FBN1: variants seen among roughly 807,000 people sequenced by gnomAD.
FBN1 encodes fibrillin 1, also known as fibrillin-1.
A neutral mutation model predicts 365.1 loss-of-function variants in FBN1; 29 were observed. The observed-to-expected ratio is 0.08, with a 90% CI of 0.06 to 0.11. The LOEUF is 0.11. Ranked by LOEUF, FBN1 falls within the 10% of genes least tolerant of loss-of-function variation. The pLI is 1.00. For synonymous variants in FBN1, 1,210 were observed against 1,270.5 expected, an observed-to-expected ratio of 0.95 and a Z score of 1.01; for missense variants, 2,476 against 3,703.2, an observed-to-expected ratio of 0.67 and a Z score of 8.60.
chr15:48,424,636 A>G (rs1486816699), intron 60 of FBN1, among the ~76,000 whole-genome samples: 2 of 152,234 alleles, frequency 1.3e-5, no homozygotes, highest in Non-Finnish European at 2.9e-5. Context: ...GCATGACATG[A>G]TATCTCTTGC....
At chr15:48,552,292 A>G (rs1287610022) in intron 6 of FBN1, among the ~76,000 whole-genome samples, 1 of 133,390 alleles carries the variant, frequency 7.5e-6, no homozygotes, top group Non-Finnish European at 1.6e-5. Context: ...TTTTTTTTTG[A>G]GACAGAATCT....
At chr15:48,494,315 T>C (rs1405200090) in intron 22 of FBN1, 61 bp from the exon 23 acceptor site, 1 of 1,297,590 alleles carries the variant, frequency 7.7e-7, no homozygotes, top group Non-Finnish European at 1.1e-6. Context: ...ATCCAGACTT[T>C]GCAGTTCTGA....
intron 45 of FBN1, among the ~76,000 whole-genome samples, chr15:48,450,843 G>C (rs771623193): frequency 2.0e-5 from 3 of 151,564 alleles, no homozygotes; most frequent in Non-Finnish European, 4.4e-5. Context: ...GATGCACAAA[G>C]GAGTACTTTG....
intron 6 of FBN1, among the ~76,000 whole-genome samples, chr15:48,573,298 G>A (rs1191181862): frequency 6.6e-6 from 1 of 152,026 alleles, no homozygotes; most frequent in African/African-American, 2.4e-5. Context: ...ATTATACATT[G>A]GAACTTCATA....
At chr15:48,600,260 C>T (rs747572331) in intron 4 of FBN1, 26 bp from the exon 5 acceptor site, 29 of 1,567,738 alleles carry the variant, frequency 1.8e-5, no homozygotes, top group Non-Finnish European at 1.4e-5. Context: ...GAAGAATTCA[C>T]TTTTGCAACT....
At chr15:48,628,969 A>G (rs538741432) in intron 2 of FBN1, among the ~76,000 whole-genome samples, 2 of 152,242 alleles carry the variant, frequency 1.3e-5, no homozygotes, top group South Asian at 2.1e-4. Flanking sequence ...CACAACAAAT[A>G]CAGGGGACTG....
intron 7 of FBN1, among the ~76,000 whole-genome samples, chr15:48,535,088 A>C (rs766445157): frequency 2.0e-5 from 3 of 152,156 alleles, no homozygotes; most frequent in Non-Finnish European, 4.4e-5. Context: ...TGCCCGGAAT[A>C]GTCTTCCTCC....
intron 2 of FBN1, among the ~76,000 whole-genome samples, chr15:48,636,967 C>G (rs1331620188): frequency 6.6e-6 from 1 of 152,220 alleles, no homozygotes; most frequent in Non-Finnish European, 1.5e-5. Flanking sequence ...AGTAGAGGGC[C>G]TAGGCCTGAT....
At chr15:48,487,934 C>A (rs1267438807) in intron 27 of FBN1, among the ~76,000 whole-genome samples, 179 bp downstream of exon 27, 1 of 152,210 alleles carries the variant, frequency 6.6e-6, no homozygotes, top group South Asian at 2.1e-4. Flanking sequence ...CCATCACCCA[C>A]AAACCCACAG....
chr15:48,519,606 G>A (rs2043833856), intron 10 of FBN1, among the ~76,000 whole-genome samples: 1 of 152,140 alleles, frequency 6.6e-6, no homozygotes, highest in African/African-American at 2.4e-5. Flanking sequence ...GGTCATGTTT[G>A]AGCAGATCCT....
chr15:48,546,438 G>A (rs142951803), intron 6 of FBN1, among the ~76,000 whole-genome samples: 7 of 152,260 alleles, frequency 4.6e-5, no homozygotes, highest in East Asian at 1.9e-4. Flanking sequence ...ACATCTAAGC[G>A]CTTTCTAAGT....
intron 6 of FBN1, among the ~76,000 whole-genome samples, chr15:48,575,374 G>A (rs1286964296): frequency 6.6e-6 from 1 of 152,064 alleles, no homozygotes; most frequent in Non-Finnish European, 1.5e-5. Context: ...TATTTAGGGG[G>A]TACAAGCGCA....
chr15:48,411,184 G>T lies in FBN1; in HGVS notation c.8422C>A (p.Gln2808Lys), dbSNP rs1377343829. 2.5e-6 allele frequency: 4 copies of T among 1,614,024 alleles called. No individual in the cohort carries two copies. In the South Asian group the frequency reaches 4.4e-5, roughly 18 times the overall value. Residue 2808 changes from glutamine to lysine, a missense_variant, in exon 66 of 66, where the codon CAA (glutamine) becomes AAA (lysine). By Grantham distance (53) the Gln-to-Lys change is moderately conservative. Coordinates refer to ENST00000316623, the MANE Select transcript of FBN1 (RefSeq NM_000138.5). ...TGGAGGTAGCTGATCCCTTCCTTTT[G>T]GTTGATTTTAAAGAAGCCATCTTCA... ...GNEDGFFKIN[Q>K]KEGISYLHFT...
chr15:48,526,442 C>G (rs1447481699), intron 8 of FBN1, among the ~76,000 whole-genome samples, 187 bp from the exon 9 acceptor site: 1 of 152,112 alleles, frequency 6.6e-6, no homozygotes, highest in Non-Finnish European at 1.5e-5. Flanking sequence ...ACAGACTTAC[C>G]CAAAAGATTT....
chr15:48,616,691 T>G (rs1392140753), intron 2 of FBN1, among the ~76,000 whole-genome samples: 1 of 152,170 alleles, frequency 6.6e-6, no homozygotes, highest in Non-Finnish European at 1.5e-5. Context: ...CTTTCTCTTT[T>G]CACTTCATGA....
intron 2 of FBN1, among the ~76,000 whole-genome samples, chr15:48,628,225 G>GGGACTGGGT (rs751507425): frequency 1.6e-4 from 24 of 152,098 alleles, no homozygotes; most frequent in Non-Finnish European, 2.8e-4. Context: ...TTCCCCAAAG[G>GGGACTGGGT]GGACTGGGTG....
At chr15:48,584,957 A>T (rs569445707) in intron 6 of FBN1, among the ~76,000 whole-genome samples, 1 of 152,350 alleles carries the variant, frequency 6.6e-6, no homozygotes, top group South Asian at 2.1e-4. Context: ...AGAATGAGTC[A>T]AAATTTACTT....
intron 5 of FBN1, 144 bp from the exon 6 acceptor site, chr15:48,596,522 T>C (rs1316561706): frequency 2.7e-6 from 2 of 743,842 alleles, no homozygotes; most frequent in Non-Finnish European, 4.7e-6. Flanking sequence ...CAGTTACACA[T>C]ACTCAGATAT....
At position 48,595,075 on chromosome 15, in the gene FBN1, A is replaced by AC. The variant is rs150759262; in HGVS notation, c.538+1207dup. 5.4e-3 allele frequency among the ~76,000 whole-genome samples: 826 copies of AC among 152,362 alleles called. 8 individuals carry two copies. Among genetic ancestry groups the AC allele is most frequent in the African/African-American group, 0.019 (787 of 41,588 alleles). On this transcript the variant is annotated intron_variant, in intron 6 of 65. Transcript: ENST00000316623. ...GGTCTATTATGCATTACACATCAAT[A>AC]CCATGCAGTGGTCCCATTAATAGAG...
Sources: gnomAD v4.1 joint callset for allele counts (sites outside exome capture counted in the v4.1 genomes callset) on GRCh38, gnomAD v4.1.1 for gene constraint, MANE v1.5 for transcripts, NCBI Gene and HGNC (gene_info 2026-07-23, HGNC 2026-07-21) for gene names.